ASIC2: variants seen among roughly 807,000 people sequenced by gnomAD.
ASIC2 encodes acid sensing ion channel subunit 2.
In ASIC2, 25 loss-of-function variants were observed where a neutral mutation model predicts 57.3. That is an observed-to-expected ratio of 0.44 (90% CI 0.32 to 0.61). The LOEUF (loss-of-function observed/expected upper bound fraction) is 0.61, where lower values mean the gene tolerates loss of function less well. ASIC2 is among the 20% of genes least tolerant of loss of function. ASIC2 has a pLI of 0.06. For missense variants in ASIC2, 641 were observed against 738.1 expected (o/e 0.87, Z 1.52); for synonymous variants, 319 against 307.5 (o/e 1.04, Z -0.39).
At chr17:33,313,681 C>A (rs1368581169) in intron 1 of ASIC2, among the ~76,000 whole-genome samples, 3 of 152,126 alleles carry the variant, frequency 2.0e-5, no homozygotes, top group Non-Finnish European at 2.9e-5. Context: ...GCTAAGAAAT[C>A]CCTTCTCTGG....
intron 1 of ASIC2, among the ~76,000 whole-genome samples, chr17:33,715,523 C>A (rs555222450): frequency 1.2e-4 from 19 of 152,230 alleles, no homozygotes; most frequent in Middle Eastern, 3.4e-3. Flanking sequence ...TTGTAGAATC[C>A]CCCAGATATT....
intron 1 of ASIC2, among the ~76,000 whole-genome samples, chr17:33,661,908 C>G (rs566219912): frequency 7.3e-4 from 111 of 152,252 alleles, no homozygotes; most frequent in African/African-American, 2.6e-3. Context: ...CCGCTGTAAC[C>G]CACAGGTCCC....
At chr17:33,380,245 C>CAAAAAAAAAA (rs10586872) in intron 1 of ASIC2, among the ~76,000 whole-genome samples, 15 of 71,060 alleles carry the variant, frequency 2.1e-4, no homozygotes, top group East Asian at 4.8e-4. Context: ...AACCCTGTCT[C>CAAAAAAAAAA]AAAAAAAAAA....
intron 1 of ASIC2, among the ~76,000 whole-genome samples, chr17:33,387,866 C>T (rs545768225): frequency 1.6e-4 from 24 of 152,012 alleles, no homozygotes; most frequent in Admixed American, 3.9e-4. Context: ...GAAGAAAAGG[C>T]GATGTGAATT....
chr17:33,660,076 C>G (rs1907209739), intron 1 of ASIC2, among the ~76,000 whole-genome samples: 1 of 151,766 alleles, frequency 6.6e-6, no homozygotes, highest in South Asian at 2.1e-4. Context: ...GAGTGAGACT[C>G]TGTCGCAAAA....
chr17:33,821,991 A>C (rs1912758181), intron 1 of ASIC2, among the ~76,000 whole-genome samples: 1 of 152,186 alleles, frequency 6.6e-6, no homozygotes, highest in Non-Finnish European at 1.5e-5. Flanking sequence ...TGTGATTTAG[A>C]AAGAGATACG....
intron 1 of ASIC2, among the ~76,000 whole-genome samples, chr17:33,586,048 C>T (rs1465697093): frequency 6.6e-6 from 1 of 152,138 alleles, no homozygotes; most frequent in African/African-American, 2.4e-5. Context: ...AGGGGGCACT[C>T]AGCCACCTCT....
At chr17:33,891,315 A>T (rs757724408) in intron 1 of ASIC2, among the ~76,000 whole-genome samples, 18 of 152,186 alleles carry the variant, frequency 1.2e-4, no homozygotes, top group Non-Finnish European at 1.6e-4. Flanking sequence ...CAATTTTGTG[A>T]GAGATTCTCC....
intron 1 of ASIC2, among the ~76,000 whole-genome samples, chr17:33,173,027 G>A (rs1421409263): frequency 6.6e-6 from 1 of 152,108 alleles, no homozygotes; most frequent in African/African-American, 2.4e-5. Flanking sequence ...TCTGCCAGAG[G>A]GGACATTACT....
intron 1 of ASIC2, among the ~76,000 whole-genome samples, chr17:33,733,729 G>A (rs550981094): frequency 6.6e-6 from 1 of 152,176 alleles, no homozygotes; most frequent in East Asian, 1.9e-4. Flanking sequence ...TGTCATCATG[G>A]CCCTTCTCAT....
At chr17:33,163,009 C>T (rs1314794386) in intron 1 of ASIC2, among the ~76,000 whole-genome samples, 2 of 152,182 alleles carry the variant, frequency 1.3e-5, no homozygotes, top group Non-Finnish European at 2.9e-5. Context: ...GTCTACTGGC[C>T]TGTTCTTGGG....
At chr17:33,515,848 C>A (rs1276031497) in intron 1 of ASIC2, among the ~76,000 whole-genome samples, 3 of 152,142 alleles carry the variant, frequency 2.0e-5, no homozygotes, top group Non-Finnish European at 2.9e-5. Flanking sequence ...GTAATCCTGG[C>A]ACTTTGGGAG....
chr17:33,683,224 C>T (rs751162718), intron 1 of ASIC2, among the ~76,000 whole-genome samples: 13 of 152,088 alleles, frequency 8.5e-5, no homozygotes, highest in African/African-American at 2.2e-4. Flanking sequence ...CCCGCCACCA[C>T]GCCCAGCTAA....
chr17:33,951,522 A>G (rs1904563508), intron 1 of ASIC2, among the ~76,000 whole-genome samples: 1 of 152,056 alleles, frequency 6.6e-6, no homozygotes, highest in South Asian at 2.1e-4. Context: ...GGAGCAGCAG[A>G]CACTGTGGGT....
At chr17:33,666,513 C>T (rs1597827788) in intron 1 of ASIC2, among the ~76,000 whole-genome samples, 1 of 152,202 alleles carries the variant, frequency 6.6e-6, no homozygotes, top group Non-Finnish European at 1.5e-5. Context: ...CAGCCCTCCG[C>T]CTCCTCCTGC....
rs145198353 is a variant in ASIC2 at position 33,667,333 on chromosome 17, C to T, written c.555+488645G>A. On this transcript the variant is annotated intron_variant, in intron 1 of 9. Transcript: ENST00000359872. ...GGGAGGAAGAAAGGGAGGAAGACAG[C>T]GTGCACATGTGCTTTGTGGTTATTG... Among the ~76,000 whole-genome samples the T allele has an allele frequency of 1.3e-3, 197 of 152,280 alleles. 1 individual carries two copies. Among genetic ancestry groups the T allele is most frequent in the Middle Eastern group, 3.4e-3 (1 of 294 alleles).
At chr17:33,080,397 G>C (rs925327659) in intron 3 of ASIC2, among the ~76,000 whole-genome samples, 1 of 152,100 alleles carries the variant, frequency 6.6e-6, no homozygotes, top group African/African-American at 2.4e-5. Context: ...GTGTGCTGGA[G>C]GTGGACTGGC....
intron 1 of ASIC2, among the ~76,000 whole-genome samples, chr17:33,843,816 G>A (rs1913505543): frequency 6.6e-6 from 1 of 152,198 alleles, no homozygotes; most frequent in Non-Finnish European, 1.5e-5. Context: ...GCAAGAAGAG[G>A]CAAAGCTTAC....
At chr17:34,007,368 G>T (rs1036896506) in intron 1 of ASIC2, among the ~76,000 whole-genome samples, 1 of 152,182 alleles carries the variant, frequency 6.6e-6, no homozygotes, top group Non-Finnish European at 1.5e-5. Context: ...AGGTGAATGT[G>T]CTTGTGAAGT....
Sources: gnomAD v4.1 joint callset for allele counts (sites outside exome capture counted in the v4.1 genomes callset) on GRCh38, gnomAD v4.1.1 for gene constraint, MANE v1.5 for transcripts, NCBI Gene and HGNC (gene_info 2026-07-23, HGNC 2026-07-21) for gene names.